SH3KBP1: variants seen among roughly 807,000 people sequenced by gnomAD.
SH3KBP1 encodes the protein SH3 domain containing kinase binding protein 1, also known as SH3 domain-containing kinase-binding protein 1.
A neutral mutation model predicts 50.1 loss-of-function variants in SH3KBP1; 8 were observed. The ratio of observed to expected loss-of-function variants is 0.16; its 90% CI spans 0.09 to 0.29. The LOEUF is 0.29. Among genes scored for constraint, SH3KBP1 ranks in the 10% least tolerant of loss-of-function variants. The pLI is 1.00. For missense variants in SH3KBP1, 377 were observed against 535.2 expected, an observed-to-expected ratio of 0.70 and a Z score of 2.92; for synonymous variants, 227 against 218.6, an observed-to-expected ratio of 1.04 and a Z score of -0.34.
chrX:19,751,900 G>A (rs1249694605), intron 2 of SH3KBP1, among the ~76,000 whole-genome samples: 1 of 112,290 alleles, frequency 8.9e-6, no homozygotes, highest in East Asian at 2.8e-4. Context: ...ATGCTAGGAT[G>A]GTCTGCTTTC....
chrX:19,551,550 C>CTTTTTTTTT (rs397800260), intron 13 of SH3KBP1, among the ~76,000 whole-genome samples: 12 of 95,169 alleles, frequency 1.3e-4, no homozygotes, highest in African/African-American at 5.2e-4. Flanking sequence ...CTCCCTCCCT[C>CTTTTTTTTT]TTTTTTTTTT....
intron 7 of SH3KBP1, among the ~76,000 whole-genome samples, chrX:19,642,575 C>T (rs911942961): frequency 2.7e-5 from 3 of 111,961 alleles, no homozygotes; most frequent in African/African-American, 9.7e-5. Flanking sequence ...TAAGACTGAA[C>T]TATTTTTCAG....
At chrX:19,634,656 G>A (rs897758808) in intron 7 of SH3KBP1, among the ~76,000 whole-genome samples, 2 of 111,484 alleles carry the variant, frequency 1.8e-5, no homozygotes, top group East Asian at 5.6e-4. Flanking sequence ...AGGAGAGGAC[G>A]GTGGGCCAGA....
At chrX:19,555,899 C>G (rs1049053947) in intron 13 of SH3KBP1, among the ~76,000 whole-genome samples, 1 of 111,697 alleles carries the variant, frequency 9.0e-6, no homozygotes, top group African/African-American at 3.3e-5. Flanking sequence ...CATCCCTACT[C>G]ACCCATCATC....
chrX:19,695,721 T>C lies in SH3KBP1; in HGVS notation c.411A>G (p.Glu137=), dbSNP rs778209025. The C allele has an allele frequency of 2.5e-6, 3 of 1,207,219 alleles. No individual in the cohort carries two copies. The highest frequency in any genetic ancestry group is 3.0e-5 in the East Asian group (1 of 33,677). The change falls in exon 5 of 18, where the codon GAA becomes GAG. Residue 137 remains glutamate (E), a synonymous_variant. Coordinates refer to ENST00000397821, the MANE Select transcript of SH3KBP1 (RefSeq NM_031892.3). ...VVGEVEEGWW[E]GVLNGKTGMF... is the part of the protein sequence containing the mutation. ...TTCCAGTCTTCCCGTTGAGAACACC[T>C]TCCCACCATCCTTCCTCTACCTGCA...
intron 3 of SH3KBP1, among the ~76,000 whole-genome samples, chrX:19,730,570 G>A (rs1215644958): frequency 9.0e-6 from 1 of 111,632 alleles, no homozygotes; most frequent in African/African-American, 3.3e-5. Flanking sequence ...AGCTTCTCAG[G>A]CCACCCCCAC....
chrX:19,802,306 A>C lies in SH3KBP1; in HGVS notation c.162+33819T>G, dbSNP rs2066917038. Among the ~76,000 whole-genome samples the C allele has an allele frequency of 2.7e-5, 3 of 110,400 alleles. No individual in the cohort carries two copies. The South Asian group carries it at 1.2e-3, about 43-fold the overall frequency. ...GCTACTCGAGAGGCTGAGGCACAAGAATCACTGGAACCTGGGAGGCGCAGG... is the reference window on the plus strand; with the variant it reads ...GCTACTCGAGAGGCTGAGGCACAAGCATCACTGGAACCTGGGAGGCGCAGG... On this transcript the variant is annotated intron_variant, in intron 2 of 17. Coordinates refer to ENST00000397821, the MANE Select transcript of SH3KBP1 (RefSeq NM_031892.3).
intron 4 of SH3KBP1, among the ~76,000 whole-genome samples, chrX:19,705,995 A>G (rs949405045): frequency 1.8e-5 from 2 of 111,409 alleles, no homozygotes; most frequent in East Asian, 5.7e-4. Context: ...TAAAACTCTG[A>G]CACATGTTCA....
intron 3 of SH3KBP1, among the ~76,000 whole-genome samples, chrX:19,737,329 G>A (rs2064617033): frequency 9.0e-6 from 1 of 111,233 alleles, no homozygotes; most frequent in South Asian, 3.8e-4. Flanking sequence ...TCAATTCCCT[G>A]GGCAGAGGCT....
chrX:19,571,891 T>G (rs963764404), intron 12 of SH3KBP1, among the ~76,000 whole-genome samples: 3 of 109,730 alleles, frequency 2.7e-5, no homozygotes, highest in Admixed American at 2.0e-4. Context: ...TGTGGGCAGC[T>G]GGGGTTAAGT....
At chrX:19,873,909 C>G (rs1199570231) in intron 1 of SH3KBP1, among the ~76,000 whole-genome samples, 1 of 103,986 alleles carries the variant, frequency 9.6e-6, no homozygotes, top group Non-Finnish European at 2.0e-5. Flanking sequence ...ATTAGCCAGG[C>G]ATGGTGGTGT....
intron 2 of SH3KBP1, among the ~76,000 whole-genome samples, chrX:19,760,041 C>CTCTCTCTCTCTCTCT (rs1472663912): frequency 2.0e-5 from 1 of 50,457 alleles, no homozygotes; most frequent in Non-Finnish European, 3.6e-5. Context: ...TCTCTCTCTC[C>CTCTCTCTCTCTCTCT]CTCTCTCTCT....
chrX:19,637,018 C>T (rs950444574), intron 7 of SH3KBP1, among the ~76,000 whole-genome samples: 3 of 112,529 alleles, frequency 2.7e-5, no homozygotes, highest in Non-Finnish European at 5.6e-5. Context: ...GAAATTCTCT[C>T]GTTCAACTGA....
intron 9 of SH3KBP1, among the ~76,000 whole-genome samples, chrX:19,607,714 T>C (rs1209997004): frequency 8.9e-6 from 1 of 112,135 alleles, no homozygotes; most frequent in African/African-American, 3.2e-5. Context: ...CACACTATCT[T>C]GTTTATGTAT....
At chrX:19,690,060 C>T (rs7884162) in intron 5 of SH3KBP1, among the ~76,000 whole-genome samples, 44 of 64,409 alleles carry the variant, frequency 6.8e-4, no homozygotes, top group African/African-American at 5.6e-3. Context: ...CTCTCTCTCT[C>T]TTTTTTTTTT....
chrX:19,870,766 T>G (rs2069020828), intron 1 of SH3KBP1, among the ~76,000 whole-genome samples: 1 of 111,285 alleles, frequency 9.0e-6, no homozygotes, highest in Non-Finnish European at 1.9e-5. Flanking sequence ...GAGAACTGTG[T>G]GAAGGGATTC....
At chrX:19,759,372 T>C (rs1304002748) in intron 2 of SH3KBP1, among the ~76,000 whole-genome samples, 1 of 111,798 alleles carries the variant, frequency 8.9e-6, no homozygotes, top group Non-Finnish European at 1.9e-5. Context: ...GGAAAATGAC[T>C]TTAGTATAAA....
chrX:19,710,185 A>G (rs971830507), intron 3 of SH3KBP1, among the ~76,000 whole-genome samples: 2 of 112,307 alleles, frequency 1.8e-5, no homozygotes, highest in Non-Finnish European at 3.8e-5. Context: ...TTTCAATTGC[A>G]TGTCATTCTC....
chrX:19,594,237 ATTAATT>A (rs1204068930), intron 10 of SH3KBP1, among the ~76,000 whole-genome samples: 1 of 111,949 alleles, frequency 8.9e-6, no homozygotes, highest in African/African-American at 3.2e-5. Flanking sequence ...TTTCCCTATA[ATTAATT>A]TTAACTATTA....
Sources: allele counts gnomAD v4.1 joint callset (sites outside exome capture counted in the v4.1 genomes callset), GRCh38; gene constraint gnomAD v4.1.1; transcripts MANE v1.5; gene names NCBI Gene and HGNC (gene_info 2026-07-23, HGNC 2026-07-21).